Variants in STARD13 observed in about 807,000 individuals in gnomAD.
STARD13 encodes the protein stAR-related lipid transfer protein 13.
Under a neutral mutation model 106.4 loss-of-function variants are expected in STARD13, and 62 were observed. The ratio of observed to expected loss-of-function variants is 0.58; its 90% CI spans 0.48 to 0.72. The LOEUF is 0.72. STARD13 is among the 30% of genes least tolerant of loss of function. The pLI, the probability that STARD13 is intolerant of heterozygous loss-of-function variation, is 0.00. For synonymous variants in STARD13, 565 were observed against 553.0 expected, an observed-to-expected ratio of 1.02 and a Z score of -0.31; for missense variants, 1,387 against 1,424.0, an observed-to-expected ratio of 0.97 and a Z score of 0.42.
the STARD13 span, among the ~76,000 whole-genome samples, chr13:33,675,814 A>T: frequency 1.3e-3 from 194 of 152,304 alleles, no homozygotes; most frequent in African/African-American, 4.4e-3. Flanking sequence ...AAGACTCAAC[A>T]TCTTATTTTC....
rs1417960428 is a variant in STARD13 at position 33,276,493 on chromosome 13, T to C, written c.169+8977A>G. Among the ~76,000 whole-genome samples, 3 of 152,216 alleles carry C rather than the reference T, an allele frequency of 2.0e-5. No individual in the cohort carries two copies. The East Asian group carries it at 5.8e-4, about 29-fold the overall frequency. ...TTATTTCTTATAATAATTTTACATA[T>C]TATACATAATTTCAGGGTGGTATAA... On this transcript the variant is annotated intron_variant, in intron 1 of 13. Transcript: ENST00000336934.
the STARD13 span, among the ~76,000 whole-genome samples, chr13:33,660,948 A>T: frequency 6.6e-6 from 1 of 152,364 alleles, no homozygotes; most frequent in East Asian, 1.9e-4. Flanking sequence ...AAAGAAAAAC[A>T]TAGGACATAC....
At chr13:33,421,510 C>T in the STARD13 span, among the ~76,000 whole-genome samples, 1 of 152,240 alleles carries the variant, frequency 6.6e-6, no homozygotes, top group South Asian at 2.1e-4. Context: ...CGAACTCTAC[C>T]AAGGTACAAA....
chr13:33,144,939 T>G (rs979171068), intron 3 of STARD13, among the ~76,000 whole-genome samples: 16 of 152,228 alleles, frequency 1.1e-4, no homozygotes, highest in African/African-American at 3.4e-4. Flanking sequence ...ATCTTCTATA[T>G]ACCACAGACT....
chr13:33,141,239 C>T (rs998623232), intron 4 of STARD13, among the ~76,000 whole-genome samples: 1 of 152,156 alleles, frequency 6.6e-6, no homozygotes, highest in Non-Finnish European at 1.5e-5. Context: ...GGCTAGGAGC[C>T]TTGGTTTTGG....
the STARD13 span, among the ~76,000 whole-genome samples, chr13:33,451,824 T>C: frequency 1.3e-5 from 2 of 151,786 alleles, no homozygotes; most frequent in Non-Finnish European, 2.9e-5. Context: ...ATATGGTATA[T>C]AACAAAAAAG....
the STARD13 span, among the ~76,000 whole-genome samples, chr13:33,626,890 T>C: frequency 1.3e-5 from 2 of 152,204 alleles, no homozygotes; most frequent in African/African-American, 4.8e-5. Flanking sequence ...TATTTGTAAA[T>C]GACAAGATTT....
At position 33,189,425 on chromosome 13, in the gene STARD13, TCCTCCTTTC is replaced by T. The variant is rs1451785825; in HGVS notation, c.170-21812_170-21804del. Among the ~76,000 whole-genome samples, 210 of 30,272 alleles carry T rather than the reference TCCTCCTTTC, an allele frequency of 6.9e-3. 3 individuals are homozygous for T. Among genetic ancestry groups the T allele is most frequent in the Admixed American group, 0.054 (195 of 3,616 alleles). The allele number at this position is 30,272 out of a possible 152,430, so 19.9% of individuals were successfully genotyped here. A position where few individuals can be genotyped will look rare whatever the true frequency, so the allele number is the denominator to read the frequency against. ...TCCCTTTCCTCCTGCTTTCCCTCCT[TCCTCCTTTC>T]GGAGGAAGGAGGGAAAGCAGGAGGA... On this transcript the variant is annotated intron_variant, in intron 1 of 13. Transcript: ENST00000336934.
chr13:33,229,604 C>T (rs7320788), intron 1 of STARD13, among the ~76,000 whole-genome samples: 16,407 of 152,228 alleles, frequency 0.11, 1,258 homozygotes, highest in African/African-American at 0.22. Context: ...CGAGTGCACG[C>T]GTGCACACAC....
At chr13:33,478,752 C>G in the STARD13 span, among the ~76,000 whole-genome samples, 243 of 152,084 alleles carry the variant, frequency 1.6e-3, no homozygotes, top group African/African-American at 5.4e-3. Flanking sequence ...CTCATCTCTA[C>G]AAAAAATAGA....
chr13:33,466,193 A>C, the STARD13 span, among the ~76,000 whole-genome samples: 1 of 152,198 alleles, frequency 6.6e-6, no homozygotes, highest in Non-Finnish European at 1.5e-5. Flanking sequence ...GATTTACAAG[A>C]GATACATATT....
chr13:33,118,656 G>T (rs772097804), intron 7 of STARD13, among the ~76,000 whole-genome samples: 3 of 152,176 alleles, frequency 2.0e-5, no homozygotes, highest in Non-Finnish European at 2.9e-5. Flanking sequence ...AAAATTCCCT[G>T]CCCTTTAGGG....
At chr13:33,484,440 A>G in the STARD13 span, among the ~76,000 whole-genome samples, 1 of 152,158 alleles carries the variant, frequency 6.6e-6, no homozygotes, top group East Asian at 1.9e-4. Flanking sequence ...AGACTTTTGC[A>G]TTGCTGAAGA....
intron 1 of STARD13, among the ~76,000 whole-genome samples, chr13:33,191,035 T>C: frequency 6.6e-6 from 1 of 152,158 alleles, no homozygotes; most frequent in East Asian, 1.9e-4. Context: ...TCCAAAAAGA[T>C]GTTGGGATTT....
chr13:33,571,982 A>C, the STARD13 span, among the ~76,000 whole-genome samples: 1 of 152,182 alleles, frequency 6.6e-6, no homozygotes, highest in African/African-American at 2.4e-5. Context: ...TTAAGTTAGC[A>C]GTGTGTGGGA....
At chr13:33,602,914 T>C in the STARD13 span, among the ~76,000 whole-genome samples, 1 of 152,192 alleles carries the variant, frequency 6.6e-6, no homozygotes, top group African/African-American at 2.4e-5. Context: ...AAAAATTGTC[T>C]TCCACGAAAC....
At chr13:33,109,765 C>A in intron 12 of STARD13, 108 bp downstream of exon 12, 1 of 993,202 alleles carries the variant, frequency 1.0e-6, no homozygotes, top group Non-Finnish European at 1.5e-6. Context: ...GCTTAGTGTT[C>A]CCCGTGGAGG....
chr13:33,264,575 C>T (rs1890801288), intron 1 of STARD13, among the ~76,000 whole-genome samples: 1 of 152,160 alleles, frequency 6.6e-6, no homozygotes, highest in East Asian at 1.9e-4. Context: ...CTCTTCCATG[C>T]CACCCATGAA....
At chr13:33,491,379 C>T in the STARD13 span, among the ~76,000 whole-genome samples, 1 of 152,132 alleles carries the variant, frequency 6.6e-6, no homozygotes, top group African/African-American at 2.4e-5. Context: ...GAAAAGAAAT[C>T]CCAAATCATG....
Sources: gnomAD v4.1 joint callset for allele counts (sites outside exome capture counted in the v4.1 genomes callset) on GRCh38, gnomAD v4.1.1 for gene constraint, MANE v1.5 for transcripts, NCBI Gene and HGNC (gene_info 2026-07-23, HGNC 2026-07-21) for gene names.